Variants in ADCY8 observed in about 807,000 individuals in gnomAD.
The protein encoded by ADCY8 is adenylate cyclase 8.
Under a neutral mutation model 119.7 loss-of-function variants are expected in ADCY8, and 51 were observed. The observed-to-expected ratio is 0.43, with a 90% confidence interval of 0.34 to 0.54. The LOEUF (loss-of-function observed/expected upper bound fraction) is 0.54, where lower values mean the gene tolerates loss of function less well. Among genes scored for constraint, ADCY8 ranks in the 20% least tolerant of loss-of-function variants. The pLI is 0.03. For missense variants in ADCY8, 1,383 were observed against 1,598.8 expected (o/e 0.87, Z 2.30); for synonymous variants, 665 against 651.0 (o/e 1.02, Z -0.33).
intron 1 of ADCY8, among the ~76,000 whole-genome samples, chr8:131,023,219 G>T (rs983955828): frequency 1.3e-5 from 2 of 152,198 alleles, no homozygotes; most frequent in African/African-American, 4.8e-5. Flanking sequence ...CACAGCCATT[G>T]CCCTGTGCCT....
Position 130,783,749 on chromosome 8 carries a change from C to G in ADCY8, c.3210G>C (p.Leu1070=). ...TGTTGATCTCCTGTATGCTTTCTGT[C>G]AGGGCGAGTGAGAAGTCAGCCAGAG... is the stretch of plus-strand genomic sequence containing the variant. ...LCALADFSLA[L]TESIQEINKH... is the part of the protein sequence containing the mutation. Residue 1070 remains leucine, a synonymous_variant, in exon 17 of 18, where the codon CTG becomes CTC. Coordinates refer to ENST00000286355, the MANE Select transcript of ADCY8 (RefSeq NM_001115.3). 1 of 1,613,906 alleles carries G rather than the reference C, an allele frequency of 6.2e-7. No individual in the cohort carries two copies. Among genetic ancestry groups the G allele is most frequent in the Non-Finnish European group, 8.5e-7 (1 of 1,179,886 alleles).
intron 3 of ADCY8, among the ~76,000 whole-genome samples, chr8:130,948,955 C>T: frequency 6.6e-6 from 1 of 152,174 alleles, no homozygotes; most frequent in Non-Finnish European, 1.5e-5. Context: ...GCGGGCATCT[C>T]ACCACGCTGC....
chr8:130,919,163 G>C (rs1043196564), intron 5 of ADCY8, among the ~76,000 whole-genome samples: 2 of 152,176 alleles, frequency 1.3e-5, no homozygotes, highest in Non-Finnish European at 2.9e-5. Context: ...TCCAAACTGG[G>C]AGAGTCATTT....
chr8:130,947,786 T>C (rs1290082686), intron 3 of ADCY8, among the ~76,000 whole-genome samples: 1 of 152,204 alleles, frequency 6.6e-6, no homozygotes, highest in East Asian at 1.9e-4. Context: ...TGTGCAAATG[T>C]ACATGAAATG....
intron 15 of ADCY8, 129 bp downstream of exon 15, chr8:130,800,297 G>T (rs1165789568): frequency 3.0e-6 from 3 of 1,006,248 alleles, no homozygotes; most frequent in Non-Finnish European, 4.5e-6. Context: ...ATACATGTTT[G>T]TGTTTATAAT....
At chr8:130,785,561 A>G (rs751576370) in intron 15 of ADCY8, 86 bp from the exon 16 acceptor site, 7 of 868,620 alleles carry the variant, frequency 8.1e-6, no homozygotes, top group Middle Eastern at 2.4e-4. Flanking sequence ...CTGGCTCACA[A>G]TGAGCTACCT....
chr8:130,904,098 TA>T (rs1356975446), intron 6 of ADCY8, 56 bp from the exon 7 acceptor site: 1 of 1,537,254 alleles, frequency 6.5e-7, no homozygotes, highest in Non-Finnish European at 8.8e-7. Context: ...GCAAAGGCTA[TA>T]TTTTTTTGAC....
At chr8:130,864,046 A>AT (rs1280144918) in intron 9 of ADCY8, among the ~76,000 whole-genome samples, 1 of 152,058 alleles carries the variant, frequency 6.6e-6, no homozygotes, top group Non-Finnish European at 1.5e-5. Context: ...CTGAGAAAGT[A>AT]TTTTTTCTCT....
chr8:130,960,412 A>G (rs1821562584), intron 2 of ADCY8, among the ~76,000 whole-genome samples: 1 of 151,278 alleles, frequency 6.6e-6, no homozygotes, highest in African/African-American at 2.4e-5. Context: ...GGCAGGCATC[A>G]CTAATTGAAT....
chr8:130,900,347 C>T (rs1354812406), intron 7 of ADCY8, among the ~76,000 whole-genome samples: 1 of 152,172 alleles, frequency 6.6e-6, no homozygotes, highest in Non-Finnish European at 1.5e-5. Flanking sequence ...ATTTTCATTG[C>T]TCCTCCAAGC....
intron 1 of ADCY8, among the ~76,000 whole-genome samples, chr8:131,022,307 G>A (rs2130797408): frequency 6.6e-6 from 1 of 152,144 alleles, no homozygotes; most frequent in East Asian, 1.9e-4. Context: ...AGTGTGTGAT[G>A]TTACCCTCCC....
intron 7 of ADCY8, among the ~76,000 whole-genome samples, chr8:130,893,748 ATGTG>A (rs1002461483): frequency 9.3e-5 from 12 of 128,762 alleles, no homozygotes; most frequent in Admixed American, 2.3e-4. Context: ...GTGCAAGTTT[ATGTG>A]TGTGTGCATG....
intron 1 of ADCY8, among the ~76,000 whole-genome samples, chr8:131,020,921 T>C (rs1823645667): frequency 6.6e-6 from 1 of 152,186 alleles, no homozygotes. Flanking sequence ...ATACATCAGA[T>C]GACATGACAT....
At chr8:130,968,011 G>A (rs1002553616) in intron 2 of ADCY8, among the ~76,000 whole-genome samples, 1 of 152,148 alleles carries the variant, frequency 6.6e-6, no homozygotes, top group Non-Finnish European at 1.5e-5. Context: ...TGAACACAGT[G>A]TGATATGTTC....
intron 5 of ADCY8, among the ~76,000 whole-genome samples, chr8:130,910,671 T>C (rs1032412693): frequency 5.3e-5 from 8 of 152,238 alleles, no homozygotes; most frequent in African/African-American, 1.9e-4. Flanking sequence ...TTGTTACTTA[T>C]GTTGAAAAGC....
intron 11 of ADCY8, 36 bp downstream of exon 11, chr8:130,847,388 T>C: frequency 6.8e-7 from 1 of 1,478,832 alleles, no homozygotes; most frequent in Non-Finnish European, 9.4e-7. Flanking sequence ...TATATCTATG[T>C]CCAACTCTCA....
At chr8:130,981,028 TG>T (rs1822223969) in intron 2 of ADCY8, among the ~76,000 whole-genome samples, 1 of 152,330 alleles carries the variant, frequency 6.6e-6, no homozygotes, top group East Asian at 1.9e-4. Context: ...GAGGCAGTAA[TG>T]TTTGTTTCCA....
At chr8:130,882,695 T>A (rs1818823166) in intron 8 of ADCY8, among the ~76,000 whole-genome samples, 1 of 152,210 alleles carries the variant, frequency 6.6e-6, no homozygotes, top group Non-Finnish European at 1.5e-5. Context: ...TAACATCTAC[T>A]TTTTATTACT....
chr8:130,959,123 T>C (rs554052119), intron 2 of ADCY8, among the ~76,000 whole-genome samples: 7 of 152,224 alleles, frequency 4.6e-5, no homozygotes, highest in Non-Finnish European at 1.0e-4. Context: ...CAGTTGAAAA[T>C]TAAACCCTTA....
Sources: allele counts gnomAD v4.1 joint callset (sites outside exome capture counted in the v4.1 genomes callset), GRCh38; gene constraint gnomAD v4.1.1; transcripts MANE v1.5; gene names NCBI Gene and HGNC (gene_info 2026-07-23, HGNC 2026-07-21).